APOBEC3C: variants seen among roughly 807,000 people sequenced by gnomAD.
APOBEC3C encodes DNA dC->dU-editing enzyme APOBEC-3C.
In APOBEC3C, 14 loss-of-function variants were observed where a neutral mutation model predicts 20.6. The observed-to-expected ratio is 0.68, with a 90% CI of 0.45 to 1.06. APOBEC3C has a LOEUF of 1.06. APOBEC3C is among the 50% of genes least tolerant of loss of function. APOBEC3C has a pLI of 0.00. For synonymous variants in APOBEC3C, 98 were observed against 88.8 expected (o/e 1.10, Z -0.58); for missense variants, 244 against 241.9 (o/e 1.01, Z -0.06).
chr22:39,014,638 G>A (rs945970313), intron 1 of APOBEC3C, among the ~76,000 whole-genome samples: 2 of 152,132 alleles, frequency 1.3e-5, no homozygotes, highest in Non-Finnish European at 2.9e-5. Context: ...AATCATGCCC[G>A]GGCTGGTGCT....
At chr22:39,016,216 T>TATTTATTTATTTATTTATTTATTTATTTA (rs1569049369) in intron 2 of APOBEC3C, among the ~76,000 whole-genome samples, 1 of 150,256 alleles carries the variant, frequency 6.7e-6, no homozygotes, top group African/African-American at 2.4e-5. Flanking sequence ...TTTATTTATT[T>TATTTATTTATTTATTTATTTATTTATTTA]TGAGACGGAG....
At chr22:39,015,557 G>T in intron 1 of APOBEC3C, 38 bp from the exon 2 acceptor site, 1 of 1,605,036 alleles carries the variant, frequency 6.2e-7, no homozygotes, top group Non-Finnish European at 8.5e-7. Context: ...CTCCGGTGCG[G>T]GGGTCTCTGC....
rs1924855237 is a variant in APOBEC3C, at chr22:39,017,925, A to C, written c.334A>C (p.Ser112Arg). 2 of 1,614,094 alleles carry C rather than the reference A, an allele frequency of 1.2e-6. No individual in the cohort carries two copies. Among genetic ancestry groups the C allele is most frequent in the South Asian group, 2.2e-5 (2 of 91,090 alleles). Residue 112 changes from serine to arginine, a missense_variant, in exon 3 of 4, where the codon AGC (serine) becomes CGC (arginine). Coordinates refer to ENST00000361441, the MANE Select transcript of APOBEC3C (RefSeq NM_014508.3). ...GGTGGCCGAGTTCCTGGCCAGGCAC[A>C]GCAACGTGAATCTCACCATCTTCAC... ...GEVAEFLARH[S>R]NVNLTIFTAR...
chr22:39,016,735 T>C (rs1924798718), intron 2 of APOBEC3C, among the ~76,000 whole-genome samples: 1 of 152,124 alleles, frequency 6.6e-6, no homozygotes, highest in Non-Finnish European at 1.5e-5. Context: ...CAGCGCTGTG[T>C]CTGGGCCAGT....
In APOBEC3C at chr22:39,019,329, C is replaced by G. The variant is rs879448594; in HGVS notation, c.*942C>G. On this transcript the variant is annotated 3_prime_UTR_variant, in exon 4 of 4. Coordinates refer to ENST00000361441, the MANE Select transcript of APOBEC3C (RefSeq NM_014508.3). ...CAATAGAACCTCCCAGCTCCCAGCC[C>G]TTCCTAGTGCCCATGGGCTTTACAT... is the stretch of plus-strand genomic sequence containing the variant. 2 of 152,378 alleles carry G rather than the reference C, an allele frequency of 1.3e-5. No homozygotes were observed. Among genetic ancestry groups the G allele is most frequent in the Non-Finnish European group, 2.9e-5 (2 of 68,048 alleles). 9.4% of individuals were successfully genotyped at this position (152,378 alleles called of 1,614,324 possible).
intron 1 of APOBEC3C, among the ~76,000 whole-genome samples, chr22:39,015,072 C>T (rs1017474636): frequency 1.6e-4 from 24 of 151,866 alleles, no homozygotes; most frequent in Admixed American, 2.6e-4. Context: ...CTGAGGCGGG[C>T]GGGTCACTTG....
intron 2 of APOBEC3C, among the ~76,000 whole-genome samples, chr22:39,017,091 G>C (rs1924808932): frequency 6.6e-6 from 1 of 152,122 alleles, no homozygotes; most frequent in Admixed American, 6.6e-5. Context: ...GATTAGCCAG[G>C]TGTGGGGGTG....
rs758140770 is a variant in APOBEC3C at position 39,018,643 on chromosome 22, T to C, written c.*256T>C. 2 of 343,608 alleles carry C rather than the reference T, an allele frequency of 5.8e-6. No homozygotes were observed. Among genetic ancestry groups the C allele is most frequent in the Non-Finnish European group, 1.1e-5 (2 of 186,710 alleles). 21.3% of individuals were successfully genotyped at this position (343,608 alleles called of 1,614,324 possible). On this transcript the variant is annotated 3_prime_UTR_variant, in exon 4 of 4. Coordinates refer to ENST00000361441, the MANE Select transcript of APOBEC3C (RefSeq NM_014508.3). ...CCCGTTCCTCCAGCCTGCGTGCCCC[T>C]AACCTGGCTTTTCCCATCTCCCCAG...
intron 2 of APOBEC3C, 83 bp downstream of exon 2, chr22:39,015,834 G>T: frequency 7.0e-7 from 1 of 1,420,176 alleles, no homozygotes; most frequent in Non-Finnish European, 9.6e-7. Context: ...TGATGTGCCC[G>T]GCGTGGGCTC....
chr22:39,018,644 A>T lies in APOBEC3C; in HGVS notation c.*257A>T, dbSNP rs945793329. On this transcript the variant is annotated 3_prime_UTR_variant, in exon 4 of 4. Transcript: ENST00000361441. Reference sequence around the variant, plus strand: ...CCGTTCCTCCAGCCTGCGTGCCCCTAACCTGGCTTTTCCCATCTCCCCAGC... The same window carrying T: ...CCGTTCCTCCAGCCTGCGTGCCCCTTACCTGGCTTTTCCCATCTCCCCAGC... 3 of 343,956 alleles carry T rather than the reference A, an allele frequency of 8.7e-6. No individual in the cohort carries two copies. Among genetic ancestry groups the T allele is most frequent in the Non-Finnish European group, 1.6e-5 (3 of 187,132 alleles). 21.3% of individuals were successfully genotyped at this position (343,956 alleles called of 1,614,324 possible). A position where few individuals can be genotyped will look rare whatever the true frequency, so the allele number is the denominator to read the frequency against.
rs1454918534 is a variant in APOBEC3C at position 39,019,265 on chromosome 22, G to GT, written c.*879dup. On this transcript the variant is annotated 3_prime_UTR_variant, in exon 4 of 4. Coordinates refer to ENST00000361441, the MANE Select transcript of APOBEC3C (RefSeq NM_014508.3). ...TCCATAGCTTCTGCGATAAATGGCT[G>GT]TAAGTCTTGGACTCCTTGCTCCAAA... 6.6e-6 allele frequency: 1 copy of GT among 152,206 alleles called. No individual in the cohort carries two copies. The highest frequency in any genetic ancestry group is 2.4e-5 in the African/African-American group (1 of 41,452). 9.4% of individuals were successfully genotyped at this position (152,206 alleles called of 1,614,324 possible).
intron 2 of APOBEC3C, among the ~76,000 whole-genome samples, chr22:39,016,631 AC>A (rs1402735746): frequency 1.3e-5 from 2 of 151,214 alleles, no homozygotes; most frequent in African/African-American, 4.9e-5. Context: ...CAGCACCCTC[AC>A]TCTTGACTTT....
chr22:39,014,493 C>A, intron 1 of APOBEC3C, 114 bp downstream of exon 1: 1 of 1,303,720 alleles, frequency 7.7e-7, no homozygotes, highest in Non-Finnish European at 1.1e-6. Flanking sequence ...GGCTCCCTCC[C>A]CCCTGGTTCC....
In APOBEC3C at chr22:39,019,798, CTTT is replaced by C. The variant is rs61235720; in HGVS notation, c.*1433_*1435del. 8 of 81,290 alleles carry C rather than the reference CTTT, an allele frequency of 9.8e-5. No individual in the cohort carries two copies. Among genetic ancestry groups the C allele is most frequent in the South Asian group, 5.3e-4 (1 of 1,886 alleles). The allele number at this position is 81,290 out of a possible 1,614,324, so 5.0% of individuals were successfully genotyped here. A position where few individuals can be genotyped will look rare whatever the true frequency, so the allele number is the denominator to read the frequency against. On this transcript the variant is annotated 3_prime_UTR_variant, in exon 4 of 4. Transcript: ENST00000361441. ...GGATCTCTCTGCCTCCAAATATCAT[CTTT>C]TTTTTTTTTTTTTTTTTTTTTGAGA...
rs1924997825 is a variant in APOBEC3C at position 39,020,249 on chromosome 22, G to A, written c.*1862G>A. ...GCCCAAACCCCTCCTGCTCCTAAAT[G>A]TCTGTCTCTGGTGTTAACCAGAGGC... On this transcript the variant is annotated 3_prime_UTR_variant, in exon 4 of 4. Coordinates refer to ENST00000361441, the MANE Select transcript of APOBEC3C (RefSeq NM_014508.3). 1 of 152,248 alleles carries A rather than the reference G, an allele frequency of 6.6e-6. No homozygotes were observed. 9.4% of individuals were successfully genotyped at this position (152,248 alleles called of 1,614,324 possible).
rs778341385 is a variant in APOBEC3C at position 39,018,254 on chromosome 22, C to T, written c.455-15C>T. 3.1e-6 allele frequency: 5 copies of T among 1,611,760 alleles called. No homozygotes were observed. The highest frequency in any genetic ancestry group is 4.2e-6 in the Non-Finnish European group (5 of 1,178,344). ...CCTGCTGGGCCCTCACTGTTTTCTCCTTGTTTTTTCTCAGATTTTAAATAT... is the reference window on the plus strand; with the variant it reads ...CCTGCTGGGCCCTCACTGTTTTCTCTTTGTTTTTTCTCAGATTTTAAATAT... On this transcript the variant is annotated splice_polypyrimidine_tract_variant and intron_variant, in intron 3 of 3. Transcript: ENST00000361441.
At chr22:39,014,699 G>A (rs1924721155) in intron 1 of APOBEC3C, among the ~76,000 whole-genome samples, 1 of 152,204 alleles carries the variant, frequency 6.6e-6, no homozygotes, top group South Asian at 2.1e-4. Flanking sequence ...ATTCCTGGGA[G>A]CTCTGGAACT....
rs762853993 is a variant in APOBEC3C at position 39,018,221 on chromosome 22, G to A, written c.455-48G>A. 2.5e-6 allele frequency: 4 copies of A among 1,596,380 alleles called. No homozygotes were observed. In the South Asian group the frequency reaches 4.5e-5, roughly 18 times the overall value. On this transcript the variant is annotated intron_variant, in intron 3 of 3. Coordinates refer to ENST00000361441, the MANE Select transcript of APOBEC3C (RefSeq NM_014508.3). Reference sequence around the variant, plus strand: ...CTGGGAGGGGAGGGCCCAGGGCCAGGAGAGAGGCCTGCTGGGCCCTCACTG... The same window carrying A: ...CTGGGAGGGGAGGGCCCAGGGCCAGAAGAGAGGCCTGCTGGGCCCTCACTG...
chr22:39,014,431 C>A, intron 1 of APOBEC3C, 52 bp downstream of exon 1: 19 of 1,612,402 alleles, frequency 1.2e-5, no homozygotes, highest in Non-Finnish European at 1.6e-5. Context: ...TCCTGCCAGG[C>A]GGTCCTGCTG....
Sources: gnomAD v4.1 joint callset for allele counts (sites outside exome capture counted in the v4.1 genomes callset) on GRCh38, gnomAD v4.1.1 for gene constraint, MANE v1.5 for transcripts, NCBI Gene and HGNC (gene_info 2026-07-23, HGNC 2026-07-21) for gene names.